SLC39A11: variants seen among roughly 807,000 people sequenced by gnomAD.
SLC39A11 encodes the protein solute carrier family 39 member 11, also known as zinc transporter ZIP11.
SLC39A11 carries 33 observed loss-of-function variants against 36.1 expected under a neutral mutation model. That is an observed-to-expected ratio of 0.91 (90% CI 0.69 to 1.22). The LOEUF is 1.22. Among genes scored for constraint, SLC39A11 ranks in the 50% most tolerant of loss-of-function variants. The pLI, the probability that SLC39A11 is intolerant of heterozygous loss-of-function variation, is 0.00. For missense variants in SLC39A11, 432 were observed against 430.3 expected (o/e 1.00, Z -0.03); for synonymous variants, 166 against 170.3 (o/e 0.97, Z 0.20).
chr17:72,765,623 C>G (rs1221055117), intron 6 of SLC39A11, among the ~76,000 whole-genome samples: 4 of 152,160 alleles, frequency 2.6e-5, no homozygotes, highest in African/African-American at 9.7e-5. Context: ...CCAGGAAGGT[C>G]CAGGGAGCTG....
intron 3 of SLC39A11, among the ~76,000 whole-genome samples, chr17:73,054,943 C>T (rs1314667357): frequency 2.0e-5 from 3 of 152,018 alleles, no homozygotes; most frequent in South Asian, 2.1e-4. Context: ...AACAAAGACT[C>T]GATGACAAGG....
At chr17:72,856,319 A>G (rs1383786730) in intron 5 of SLC39A11, among the ~76,000 whole-genome samples, 3 of 152,178 alleles carry the variant, frequency 2.0e-5, no homozygotes, top group African/African-American at 7.2e-5. Flanking sequence ...GAGGTGGAAC[A>G]TTTTTCAATT....
At chr17:72,683,670 C>T (rs952459825) in intron 7 of SLC39A11, among the ~76,000 whole-genome samples, 4 of 152,098 alleles carry the variant, frequency 2.6e-5, no homozygotes, top group Non-Finnish European at 5.9e-5. Context: ...GGGGATTACA[C>T]ACCCAATACT....
intron 6 of SLC39A11, among the ~76,000 whole-genome samples, chr17:72,840,591 T>G (rs969238352): frequency 9.2e-5 from 14 of 152,178 alleles, no homozygotes; most frequent in African/African-American, 3.1e-4. Flanking sequence ...AAACCCCGCC[T>G]CTACTAAAAG....
At chr17:73,030,399 A>G (rs1172820331) in intron 4 of SLC39A11, among the ~76,000 whole-genome samples, 1 of 152,206 alleles carries the variant, frequency 6.6e-6, no homozygotes, top group Non-Finnish European at 1.5e-5. Context: ...AGTTCCTGGG[A>G]ATCGTTATAG....
chr17:72,759,129 T>TAATAATAATAATAATAAA (rs201794070), intron 6 of SLC39A11, among the ~76,000 whole-genome samples: 2,156 of 150,840 alleles, frequency 0.014, 46 homozygotes, highest in East Asian at 0.089. Flanking sequence ...ATAATAATAA[T>TAATAATAATAATAATAAA]AAATAATCTT....
At chr17:72,717,517 C>T (rs925428805) in intron 7 of SLC39A11, among the ~76,000 whole-genome samples, 1 of 152,184 alleles carries the variant, frequency 6.6e-6, no homozygotes, top group African/African-American at 2.4e-5. Context: ...ACTCTAGTCT[C>T]TGCCTCCACT....
chr17:72,785,371 A>G lies in SLC39A11; in HGVS notation c.602-48652T>C, dbSNP rs145073960. ...AGATGTTTGTAGGCTGAAGGGAAGA[A>G]CCCAGAGAAAGAGTCGGGAGAATTT... is the stretch of plus-strand genomic sequence containing the variant. On this transcript the variant is annotated intron_variant, in intron 6 of 9. Coordinates refer to ENST00000255559, the MANE Select transcript of SLC39A11 (RefSeq NM_139177.4). Among the ~76,000 whole-genome samples the G allele has an allele frequency of 1.2e-4, 19 of 152,354 alleles. 1 individual carries two copies. Among genetic ancestry groups the G allele is most frequent in the African/African-American group, 4.3e-4 (18 of 41,594 alleles).
intron 7 of SLC39A11, among the ~76,000 whole-genome samples, chr17:72,653,167 C>T (rs574713859): frequency 2.7e-5 from 4 of 150,078 alleles, no homozygotes; most frequent in East Asian, 4.0e-4. Context: ...TGCACTGGCA[C>T]GATCTCAGCT....
chr17:73,030,557 C>T (rs1438449199), intron 4 of SLC39A11, among the ~76,000 whole-genome samples: 1 of 152,186 alleles, frequency 6.6e-6, no homozygotes, highest in African/African-American at 2.4e-5. Context: ...AATCCTGTCT[C>T]ACCGTGATCC....
chr17:72,661,430 G>A (rs550836881), intron 7 of SLC39A11, among the ~76,000 whole-genome samples: 3 of 152,304 alleles, frequency 2.0e-5, no homozygotes, highest in African/African-American at 7.2e-5. Flanking sequence ...TTCCCTGGCC[G>A]GTTGATTATG....
At chr17:72,800,795 CAG>C (rs2077060268) in intron 6 of SLC39A11, among the ~76,000 whole-genome samples, 1 of 152,046 alleles carries the variant, frequency 6.6e-6, no homozygotes, top group African/African-American at 2.4e-5. Flanking sequence ...AGGGAGAAAA[CAG>C]AGTTTGGGGA....
At chr17:72,707,590 G>T (rs928306092) in intron 7 of SLC39A11, among the ~76,000 whole-genome samples, 1 of 152,128 alleles carries the variant, frequency 6.6e-6, no homozygotes, top group Admixed American at 6.5e-5. Flanking sequence ...AAATATTGAA[G>T]AACTCCTGTG....
intron 3 of SLC39A11, among the ~76,000 whole-genome samples, chr17:73,078,240 G>GA (rs373935167): frequency 0.019 from 2,127 of 114,688 alleles, 40 homozygotes; most frequent in African/African-American, 0.052. Context: ...TCCGTCTCAG[G>GA]AAAAAAAAAA....
intron 3 of SLC39A11, among the ~76,000 whole-genome samples, chr17:73,046,542 G>A (rs1308657222): frequency 6.6e-6 from 1 of 152,140 alleles, no homozygotes; most frequent in African/African-American, 2.4e-5. Context: ...ATAAATACTT[G>A]TTTTAGTATA....
intron 7 of SLC39A11, among the ~76,000 whole-genome samples, chr17:72,655,912 A>AAAC (rs1406499186): frequency 1.3e-5 from 2 of 152,076 alleles, no homozygotes; most frequent in African/African-American, 4.8e-5. Flanking sequence ...GGAGGATGGG[A>AAAC]AACTGTGAAG....
chr17:73,083,107 C>A (rs2060601563), intron 3 of SLC39A11, among the ~76,000 whole-genome samples: 1 of 151,488 alleles, frequency 6.6e-6, no homozygotes, highest in Admixed American at 6.6e-5. Context: ...TCCAAGGGGC[C>A]CTCCATGTCT....
At chr17:72,982,050 C>G (rs2088360369) in intron 4 of SLC39A11, among the ~76,000 whole-genome samples, 1 of 151,414 alleles carries the variant, frequency 6.6e-6, no homozygotes, top group Non-Finnish European at 1.5e-5. Flanking sequence ...TGAGACCAGC[C>G]TGGGCAGCAT....
At chr17:72,894,594 CAA>C (rs1424402235) in intron 5 of SLC39A11, among the ~76,000 whole-genome samples, 3 of 144,010 alleles carry the variant, frequency 2.1e-5, no homozygotes, top group Non-Finnish European at 4.5e-5. Context: ...CAATTGAACA[CAA>C]GAGGTAGAGG....
Sources: allele counts gnomAD v4.1 joint callset (sites outside exome capture counted in the v4.1 genomes callset), GRCh38; gene constraint gnomAD v4.1.1; transcripts MANE v1.5; gene names NCBI Gene and HGNC (gene_info 2026-07-23, HGNC 2026-07-21).